SLCO6A1: variants seen among roughly 807,000 people sequenced by gnomAD.
The protein encoded by SLCO6A1 is solute carrier organic anion transporter family member 6A1, also known as cancer/testis antigen 48.
In SLCO6A1, 65 loss-of-function variants were observed where a neutral mutation model predicts 72.7. That is an observed-to-expected ratio of 0.89 (90% CI 0.73 to 1.10). The LOEUF (loss-of-function observed/expected upper bound fraction) is 1.10. SLCO6A1 is among the 50% of genes least tolerant of loss of function. The probability of loss-of-function intolerance (pLI) is 0.00; values close to 1 mark genes in which losing one functional copy is unlikely to be tolerated. For synonymous variants in SLCO6A1, 314 were observed against 298.2 expected, an observed-to-expected ratio of 1.05 and a Z score of -0.55; for missense variants, 874 against 872.6, an observed-to-expected ratio of 1.00 and a Z score of -0.02.
chr5:102,465,652 T>G lies in SLCO6A1; in HGVS notation c.900-5875A>C, dbSNP rs553233858. On this transcript the variant is annotated intron_variant, in intron 4 of 13. Transcript: ENST00000506729. The stretch of plus-strand genomic sequence containing the variant: ...GAAGAAAACTAACACAAAACCTAGT[T>G]GCTACTGTCCCTGCATCATTAGTAG... Among the ~76,000 whole-genome samples the G allele has an allele frequency of 4.6e-5, 7 of 152,248 alleles. No individual in the cohort carries two copies. In the South Asian group the frequency reaches 8.3e-4, roughly 18 times the overall value.
intron 8 of SLCO6A1, among the ~76,000 whole-genome samples, chr5:102,413,893 T>C (rs1748128572): frequency 6.6e-6 from 1 of 152,172 alleles, no homozygotes; most frequent in African/African-American, 2.4e-5. Context: ...ATATATTTCT[T>C]TTCAAACTGT....
chr5:102,457,536 TC>T (rs1296869354), intron 6 of SLCO6A1, among the ~76,000 whole-genome samples: 2 of 152,022 alleles, frequency 1.3e-5, no homozygotes, highest in Non-Finnish European at 2.9e-5. Context: ...GAAATGCAAA[TC>T]AAAACCACAG....
chr5:102,496,533 A>AAC (rs1752918447), intron 1 of SLCO6A1, among the ~76,000 whole-genome samples: 1 of 152,128 alleles, frequency 6.6e-6, no homozygotes, highest in East Asian at 1.9e-4. Context: ...TACCCACCTA[A>AAC]TAAGGGGATT....
In SLCO6A1 at chr5:102,414,121, G is replaced by T. The variant is rs374142610; in HGVS notation, c.1473-978C>A. Among the ~76,000 whole-genome samples, 19 of 152,048 alleles carry T rather than the reference G, an allele frequency of 1.2e-4. No homozygotes were observed. In the South Asian group the frequency reaches 3.9e-3, roughly 32 times the overall value. On this transcript the variant is annotated intron_variant, in intron 8 of 13. Coordinates refer to ENST00000506729, the MANE Select transcript of SLCO6A1 (RefSeq NM_173488.5). ...ATCAATTCATTTTTTTCTGGATTAT[G>T]TGTTTGGTGTCACATCTAAAAGATA...
chr5:102,377,658 G>A (rs895977098), intron 12 of SLCO6A1, among the ~76,000 whole-genome samples: 4 of 150,990 alleles, frequency 2.6e-5, no homozygotes, highest in Non-Finnish European at 1.5e-5. Flanking sequence ...TATAGATATA[G>A]ACATAGACAT....
intron 1 of SLCO6A1, among the ~76,000 whole-genome samples, chr5:102,483,052 T>G (rs1752286456): frequency 6.6e-6 from 1 of 152,188 alleles, no homozygotes; most frequent in South Asian, 2.1e-4. Context: ...ATCCTTGATG[T>G]AATTGTCACT....
chr5:102,416,858 C>T (rs1748314502), intron 8 of SLCO6A1, among the ~76,000 whole-genome samples: 2 of 152,088 alleles, frequency 1.3e-5, no homozygotes, highest in African/African-American at 4.8e-5. Flanking sequence ...CTACAAATGT[C>T]AATTAAGACA....
rs142237568 is a variant in SLCO6A1 at position 102,480,455 on chromosome 5, G to C, written c.359-21C>G. On this transcript the variant is annotated intron_variant, in intron 1 of 13. Transcript: ENST00000506729. ...CACACCTAAAATGTAAAAAGAAAAA[G>C]AGAAAACAACGATATGCATTTTAAG... 1,728 of 1,585,876 alleles carry C rather than the reference G, an allele frequency of 1.1e-3. 1 individual carries two copies. Among genetic ancestry groups the C allele is most frequent in the Non-Finnish European group, 9.4e-4 (1,095 of 1,169,118 alleles).
intron 7 of SLCO6A1, among the ~76,000 whole-genome samples, chr5:102,434,038 T>C (rs1580419704): frequency 1.3e-5 from 2 of 152,204 alleles, no homozygotes; most frequent in East Asian, 1.9e-4. Context: ...GTTAGTAACA[T>C]ATATTGAAAT....
intron 9 of SLCO6A1, among the ~76,000 whole-genome samples, chr5:102,404,876 GAAGT>G (rs1454816661): frequency 6.6e-6 from 1 of 152,092 alleles, no homozygotes; most frequent in Non-Finnish European, 1.5e-5. Context: ...TGAGAAGAGA[GAAGT>G]AAGTTCTACA....
At chr5:102,425,524 A>C (rs1441465163) in intron 7 of SLCO6A1, among the ~76,000 whole-genome samples, 4 of 152,284 alleles carry the variant, frequency 2.6e-5, no homozygotes. Flanking sequence ...CAACTGCTAC[A>C]AAGAGAATAA....
intron 6 of SLCO6A1, among the ~76,000 whole-genome samples, chr5:102,451,030 G>C (rs901633528): frequency 2.6e-5 from 4 of 152,198 alleles, no homozygotes; most frequent in African/African-American, 9.7e-5. Context: ...GTTCAGGTTG[G>C]GGCAGGGTGA....
At chr5:102,464,216 CA>C (rs1751199479) in intron 4 of SLCO6A1, among the ~76,000 whole-genome samples, 1 of 151,774 alleles carries the variant, frequency 6.6e-6, no homozygotes, top group African/African-American at 2.4e-5. Context: ...ACTTCTTACG[CA>C]AGAAAGAACA....
At chr5:102,398,127 T>A (rs1415816742) in intron 10 of SLCO6A1, among the ~76,000 whole-genome samples, 1 of 152,186 alleles carries the variant, frequency 6.6e-6, no homozygotes, top group Non-Finnish European at 1.5e-5. Context: ...AGTCTGGATA[T>A]AATCATAGAT....
chr5:102,385,497 A>G (rs938601597), intron 12 of SLCO6A1, among the ~76,000 whole-genome samples: 6 of 151,812 alleles, frequency 4.0e-5, no homozygotes, highest in African/African-American at 1.5e-4. Flanking sequence ...ACTGTTTTGT[A>G]TTCTTTTTTA....
chr5:102,394,691 T>C (rs1746964855), intron 10 of SLCO6A1, among the ~76,000 whole-genome samples: 1 of 152,240 alleles, frequency 6.6e-6, no homozygotes, highest in South Asian at 2.1e-4. Flanking sequence ...ATTAAGAATA[T>C]ATTGTTACAT....
chr5:102,459,533 A>C, intron 5 of SLCO6A1, 123 bp downstream of exon 5: 1 of 1,122,190 alleles, frequency 8.9e-7, no homozygotes, highest in Non-Finnish European at 1.2e-6. Flanking sequence ...CTCTATGACA[A>C]ACCACTACAG....
intron 1 of SLCO6A1, among the ~76,000 whole-genome samples, chr5:102,490,736 C>T (rs1290417672): frequency 6.6e-6 from 1 of 152,038 alleles, no homozygotes; most frequent in East Asian, 1.9e-4. Context: ...GGTGGCACAT[C>T]TGGAGTTGTT....
chr5:102,490,539 C>T (rs1346088279), intron 1 of SLCO6A1, among the ~76,000 whole-genome samples: 1 of 152,176 alleles, frequency 6.6e-6, no homozygotes, highest in African/African-American at 2.4e-5. Context: ...TTCTTGGTCT[C>T]ACTGACTACA....
Sources: allele counts gnomAD v4.1 joint callset (sites outside exome capture counted in the v4.1 genomes callset), GRCh38; gene constraint gnomAD v4.1.1; transcripts MANE v1.5; gene names NCBI Gene and HGNC (gene_info 2026-07-23, HGNC 2026-07-21).